RABGAP1L: variants seen among roughly 807,000 people sequenced by gnomAD.
RABGAP1L encodes the protein RAB GTPase activating protein 1 like, also known as rab GTPase-activating protein 1-like.
RABGAP1L carries 63 observed loss-of-function variants against 137.7 expected under a neutral mutation model. The observed-to-expected ratio is 0.46, with a 90% confidence interval of 0.37 to 0.56. The LOEUF is 0.56. RABGAP1L is among the 20% of genes least tolerant of loss of function. The pLI, the probability that RABGAP1L is intolerant of heterozygous loss-of-function variation, is 0.00. For missense variants in RABGAP1L, 1,095 were observed against 1,244.0 expected, an observed-to-expected ratio of 0.88 and a Z score of 1.80; for synonymous variants, 431 against 433.7, an observed-to-expected ratio of 0.99 and a Z score of 0.08.
In RABGAP1L at chr1:174,618,134, A is replaced by G. The variant is rs1672079856; in HGVS notation, c.1711-19241A>G. ...TTGCTGAGGCTTGAGTAGGTAAACA[A>G]AGCGGCTGGGAAGCTCGAACTGAGT... is the stretch of plus-strand genomic sequence containing the variant. On this transcript the variant is annotated intron_variant, in intron 13 of 25. Coordinates refer to ENST00000681986, the MANE Select transcript of RABGAP1L (RefSeq NM_001366446.1). 2.6e-5 allele frequency among the ~76,000 whole-genome samples: 4 copies of G among 152,328 alleles called. No individual in the cohort carries two copies. In the South Asian group the frequency reaches 6.2e-4, roughly 24 times the overall value.
intron 13 of RABGAP1L, among the ~76,000 whole-genome samples, chr1:174,420,776 G>T (rs542257414): frequency 6.6e-6 from 1 of 150,834 alleles, no homozygotes; most frequent in Non-Finnish European, 1.5e-5. Context: ...CTGGGTTCAC[G>T]CCATTCTCCT....
At chr1:174,797,459 G>A (rs1278046824) in intron 18 of RABGAP1L, among the ~76,000 whole-genome samples, 3 of 151,094 alleles carry the variant, frequency 2.0e-5, no homozygotes, top group Admixed American at 6.6e-5. Context: ...GTGTGTGTGT[G>A]TCTAAATGTG....
At chr1:174,616,151 A>C (rs1446442689) in intron 13 of RABGAP1L, among the ~76,000 whole-genome samples, 1 of 152,198 alleles carries the variant, frequency 6.6e-6, no homozygotes. Flanking sequence ...GAAATGCAGA[A>C]ATCACCTGTC....
chr1:174,180,585 C>T lies in RABGAP1L; in HGVS notation c.-34+20928C>T, dbSNP rs140592638. 6.6e-3 allele frequency among the ~76,000 whole-genome samples: 1,009 copies of T among 152,252 alleles called. 7 individuals are homozygous for T. The highest frequency in any genetic ancestry group is 0.01 in the Non-Finnish European group (687 of 68,008). ...GCTCAAGGGATCTTCCTGCCTTAGCCTCCCAAGTGGCTGGGACTGAAGGCA... is the reference window on the plus strand; with the variant it reads ...GCTCAAGGGATCTTCCTGCCTTAGCTTCCCAAGTGGCTGGGACTGAAGGCA... On this transcript the variant is annotated intron_variant, in intron 1 of 25. Coordinates refer to ENST00000681986, the MANE Select transcript of RABGAP1L (RefSeq NM_001366446.1).
At chr1:174,810,473 G>A (rs1421842941) in intron 18 of RABGAP1L, among the ~76,000 whole-genome samples, 3 of 152,194 alleles carry the variant, frequency 2.0e-5, no homozygotes, top group African/African-American at 7.2e-5. Context: ...CGAAAACTGA[G>A]ACCCTGTTAC....
At chr1:174,698,069 C>G (rs1679391715) in intron 15 of RABGAP1L, among the ~76,000 whole-genome samples, 1 of 152,150 alleles carries the variant, frequency 6.6e-6, no homozygotes, top group African/African-American at 2.4e-5. Flanking sequence ...AAATGGAACT[C>G]TACTTGATTC....
intron 13 of RABGAP1L, among the ~76,000 whole-genome samples, chr1:174,492,736 AATAATACTTCC>A (rs1660380431): frequency 6.6e-6 from 1 of 152,000 alleles, no homozygotes; most frequent in African/African-American, 2.4e-5. Flanking sequence ...CTCTTACACA[AATAATACTTCC>A]ATTACATGAA....
intron 13 of RABGAP1L, among the ~76,000 whole-genome samples, chr1:174,426,098 C>T (rs1651922780): frequency 6.6e-6 from 1 of 151,990 alleles, no homozygotes. Context: ...TATTTAATAC[C>T]TTTACACTTG....
intron 4 of RABGAP1L, chr1:174,238,809 C>G (rs1671479070): frequency 6.6e-6 from 1 of 151,722 alleles, no homozygotes; most frequent in Non-Finnish European, 1.5e-5. Flanking sequence ...GTTCGAGCTT[C>G]CCGGCTGCTT....
chr1:174,326,856 C>T (rs1233079899), intron 11 of RABGAP1L, among the ~76,000 whole-genome samples: 4 of 152,122 alleles, frequency 2.6e-5, no homozygotes, highest in African/African-American at 9.7e-5. Flanking sequence ...AAGCAGGCTT[C>T]TCAGCAGAAA....
At chr1:174,495,536 A>G (rs1229048608) in intron 13 of RABGAP1L, among the ~76,000 whole-genome samples, 1 of 152,184 alleles carries the variant, frequency 6.6e-6, no homozygotes, top group Non-Finnish European at 1.5e-5. Context: ...AAAGATCCAA[A>G]AGGATCTAAT....
chr1:174,162,777 G>GTTT (rs67811794), intron 1 of RABGAP1L, among the ~76,000 whole-genome samples: 3 of 51,554 alleles, frequency 5.8e-5, no homozygotes, highest in Admixed American at 2.9e-4. Context: ...TTCTCTTTCT[G>GTTT]TTTTTTTTTT....
intron 13 of RABGAP1L, among the ~76,000 whole-genome samples, chr1:174,636,245 A>G (rs1381456110): frequency 2.6e-5 from 4 of 152,200 alleles, no homozygotes; most frequent in South Asian, 4.1e-4. Flanking sequence ...TAAAGAAGAT[A>G]TCATCCTTCA....
intron 4 of RABGAP1L, among the ~76,000 whole-genome samples, chr1:174,240,479 C>T (rs1671712886): frequency 6.6e-6 from 1 of 152,216 alleles, no homozygotes; most frequent in Non-Finnish European, 1.5e-5. Flanking sequence ...AACTCCTGAC[C>T]TCAAGTGATC....
chr1:174,488,561 G>C (rs1317453646), intron 13 of RABGAP1L, among the ~76,000 whole-genome samples: 1 of 151,950 alleles, frequency 6.6e-6, no homozygotes, highest in Admixed American at 6.6e-5. Context: ...CTTGGATTTT[G>C]ATAGCATTCT....
chr1:174,349,617 G>A (rs577412510), intron 11 of RABGAP1L, among the ~76,000 whole-genome samples: 22 of 140,814 alleles, frequency 1.6e-4, no homozygotes, highest in South Asian at 7.1e-4. Flanking sequence ...CGGATGGGGC[G>A]GCTGGCCGGG....
intron 10 of RABGAP1L, among the ~76,000 whole-genome samples, chr1:174,297,772 G>T (rs1677263664): frequency 6.6e-6 from 1 of 152,158 alleles, no homozygotes; most frequent in Non-Finnish European, 1.5e-5. Context: ...GACAAACCGG[G>T]TTATTAGAAG....
intron 21 of RABGAP1L, among the ~76,000 whole-genome samples, chr1:174,971,989 G>A (rs573185929): frequency 6.6e-6 from 1 of 152,236 alleles, no homozygotes; most frequent in East Asian, 1.9e-4. Context: ...AGGCTTCCTG[G>A]GCACCAAAGG....
intron 13 of RABGAP1L, among the ~76,000 whole-genome samples, chr1:174,629,261 G>C (rs1367884355): frequency 6.6e-6 from 1 of 152,134 alleles, no homozygotes; most frequent in Non-Finnish European, 1.5e-5. Flanking sequence ...ATTAGCTTTT[G>C]CTTCAAAAAC....
Sources: gnomAD v4.1 joint callset for allele counts (sites outside exome capture counted in the v4.1 genomes callset) on GRCh38, gnomAD v4.1.1 for gene constraint, MANE v1.5 for transcripts, NCBI Gene and HGNC (gene_info 2026-07-23, HGNC 2026-07-21) for gene names.